FGF14: variants seen among roughly 807,000 people sequenced by gnomAD.
FGF14 encodes fibroblast growth factor 14, also known as fibroblast growth factor homologous factor 4.
In FGF14, 5 loss-of-function variants were observed where a neutral mutation model predicts 25.5. The ratio of observed to expected loss-of-function variants is 0.20; its 90% confidence interval spans 0.10 to 0.41. The LOEUF is 0.41. Among genes scored for constraint, FGF14 ranks in the 10% least tolerant of loss-of-function variants. The pLI is 1.00. For missense variants in FGF14, 222 were observed against 320.1 expected, an observed-to-expected ratio of 0.69 and a Z score of 2.34; for synonymous variants, 138 against 118.3, an observed-to-expected ratio of 1.17 and a Z score of -1.08.
intron 1 of FGF14, among the ~76,000 whole-genome samples, chr13:102,150,822 A>T (rs944886119): frequency 6.6e-6 from 1 of 152,190 alleles, no homozygotes; most frequent in Middle Eastern, 3.2e-3. Flanking sequence ...GGTATGTTGT[A>T]GATAGAGATC....
At chr13:102,281,602 T>C (rs2053834899) in intron 1 of FGF14, among the ~76,000 whole-genome samples, 1 of 152,064 alleles carries the variant, frequency 6.6e-6, no homozygotes, top group South Asian at 2.1e-4. Context: ...TCCTGAAGTG[T>C]AGTCTTGTCA....
At chr13:101,754,296 G>A (rs191463378) in intron 3 of FGF14, among the ~76,000 whole-genome samples, 1 of 152,162 alleles carries the variant, frequency 6.6e-6, no homozygotes, top group East Asian at 1.9e-4. Flanking sequence ...TAATAAAAAA[G>A]TAGAGAAAAG....
At position 101,715,578 on chromosome 13, in the gene FGF14, G is replaced by A. The variant is rs781024661; in HGVS notation, c.*7253C>T. ...TTTATTGCAGGGAATGGAATATGTA[G>A]CTGTGGAAACTGTGAATGCTGGGAT... On this transcript the variant is annotated 3_prime_UTR_variant, in exon 5 of 5. Transcript: ENST00000376143. The A allele has an allele frequency of 2.9e-5, 47 of 1,612,240 alleles. No individual in the cohort carries two copies. The highest frequency in any genetic ancestry group is 3.6e-5 in the Non-Finnish European group (43 of 1,178,488).
intron 1 of FGF14, among the ~76,000 whole-genome samples, chr13:102,388,417 C>G (rs2058356077): frequency 6.6e-6 from 1 of 152,218 alleles, no homozygotes; most frequent in Non-Finnish European, 1.5e-5. Flanking sequence ...GATTTCCTAT[C>G]TCACATTCTC....
intron 3 of FGF14, among the ~76,000 whole-genome samples, chr13:101,854,522 T>A (rs1029548931): frequency 7.2e-5 from 11 of 152,080 alleles, no homozygotes; most frequent in African/African-American, 2.4e-4. Flanking sequence ...CTAGTATAAT[T>A]AATTGCCACC....
At position 102,130,866 on chromosome 13, in the gene FGF14, TATA is replaced by T. The variant is rs147994885; in HGVS notation, c.209-255573_209-255571del. ...ACTGAAATCCACTATACCCGAAGGC[TATA>T]ATAACAGATCAAATGCTCAGATTTT... On this transcript the variant is annotated intron_variant, in intron 1 of 4. Transcript: ENST00000376131. Among the ~76,000 whole-genome samples the T allele has an allele frequency of 2.1e-3, 315 of 152,250 alleles. 1 individual carries two copies. Among genetic ancestry groups the T allele is most frequent in the African/African-American group, 7.0e-3 (292 of 41,550 alleles).
At chr13:101,830,638 T>G (rs140215014) in intron 3 of FGF14, among the ~76,000 whole-genome samples, 1 of 152,202 alleles carries the variant, frequency 6.6e-6, no homozygotes, top group East Asian at 1.9e-4. Context: ...ATTTTCCTAA[T>G]TTTTAGGAAA....
intron 3 of FGF14, among the ~76,000 whole-genome samples, chr13:101,829,241 A>G (rs1416766592): frequency 6.6e-6 from 1 of 152,152 alleles, no homozygotes; most frequent in Admixed American, 6.6e-5. Context: ...TCCCTGTGGA[A>G]GAAGCACCTT....
chr13:101,867,527 C>A (rs950203654), intron 3 of FGF14, among the ~76,000 whole-genome samples: 1 of 152,092 alleles, frequency 6.6e-6, no homozygotes, highest in Non-Finnish European at 1.5e-5. Context: ...ACAAAAATAA[C>A]AGAGCAAGTT....
At chr13:101,777,064 G>A (rs1008280073) in intron 3 of FGF14, among the ~76,000 whole-genome samples, 3 of 152,158 alleles carry the variant, frequency 2.0e-5, no homozygotes, top group Admixed American at 6.5e-5. Context: ...TTCAAAAGGC[G>A]AAGTGTTGTA....
At chr13:102,355,706 T>C (rs2057401488) in intron 1 of FGF14, among the ~76,000 whole-genome samples, 1 of 151,912 alleles carries the variant, frequency 6.6e-6, no homozygotes, top group African/African-American at 2.4e-5. Flanking sequence ...AATTTATTAA[T>C]AACAGTATAG....
chr13:102,156,641 G>A (rs1318364522), intron 1 of FGF14, among the ~76,000 whole-genome samples: 1 of 152,164 alleles, frequency 6.6e-6, no homozygotes, highest in Admixed American at 6.5e-5. Context: ...ATTCAACATA[G>A]TGTTGGAAGT....
At chr13:101,766,752 C>T (rs985680816) in intron 3 of FGF14, among the ~76,000 whole-genome samples, 1 of 152,038 alleles carries the variant, frequency 6.6e-6, no homozygotes, top group Non-Finnish European at 1.5e-5. Flanking sequence ...TCATGACTGG[C>T]ATCCATATAA....
rs1410500810 is a variant in FGF14, at chr13:101,714,393, C to A, written c.*8438G>T. The A allele has an allele frequency of 9.2e-7, 1 of 1,082,702 alleles. No individual in the cohort carries two copies. Among genetic ancestry groups the A allele is most frequent in the Admixed American group, 1.7e-5 (1 of 59,020 alleles). 67.1% of individuals were successfully genotyped at this position (1,082,702 alleles called of 1,614,324 possible). ...ACGATATTCTATTCGAGATGGAAACCTTTAGTTATAAGGTGATGGTGAGTA... is the reference window on the plus strand; with the variant it reads ...ACGATATTCTATTCGAGATGGAAACATTTAGTTATAAGGTGATGGTGAGTA... On this transcript the variant is annotated 3_prime_UTR_variant, in exon 5 of 5. Coordinates refer to ENST00000376143, the MANE Select transcript of FGF14 (RefSeq NM_004115.4).
At chr13:101,882,171 A>T (rs1332231372) in intron 1 of FGF14, among the ~76,000 whole-genome samples, 1 of 152,172 alleles carries the variant, frequency 6.6e-6, no homozygotes, top group Non-Finnish European at 1.5e-5. Flanking sequence ...CCTTTCGGAA[A>T]CTAGAAATAG....
chr13:102,076,605 T>C (rs778944349), intron 1 of FGF14, among the ~76,000 whole-genome samples: 3 of 151,894 alleles, frequency 2.0e-5, no homozygotes, highest in Non-Finnish European at 4.4e-5. Context: ...CTGTAAAACA[T>C]TGATGAAAAA....
intron 3 of FGF14, among the ~76,000 whole-genome samples, chr13:101,810,595 A>G (rs2041450821): frequency 1.3e-5 from 2 of 152,140 alleles, no homozygotes; most frequent in South Asian, 4.1e-4. Flanking sequence ...AGTCTTCCAC[A>G]TCACTTAAGC....
rs749416557 is a variant in FGF14 at position 101,961,649 on chromosome 13, C to A, written c.209-86353G>T. On this transcript the variant is annotated intron_variant, in intron 1 of 4. Transcript: ENST00000376131. The stretch of plus-strand genomic sequence containing the variant: ...GTGGGAGCTAATTGAATCATGGGGA[C>A]GGTTACCTCCATGCTGTTCTCATGA... Among the ~76,000 whole-genome samples, 4 of 152,062 alleles carry A rather than the reference C, an allele frequency of 2.6e-5. No homozygotes were observed. The South Asian group carries it at 8.3e-4, about 32-fold the overall frequency.
At chr13:102,064,035 T>A (rs1277411320) in intron 1 of FGF14, among the ~76,000 whole-genome samples, 1 of 152,152 alleles carries the variant, frequency 6.6e-6, no homozygotes, top group Non-Finnish European at 1.5e-5. Flanking sequence ...TGAATGACAA[T>A]AAATAAAATA....
Sources: allele counts gnomAD v4.1 joint callset (sites outside exome capture counted in the v4.1 genomes callset), GRCh38; gene constraint gnomAD v4.1.1; transcripts MANE v1.5; gene names NCBI Gene and HGNC (gene_info 2026-07-23, HGNC 2026-07-21).